The following MCM9 variants were observed in gnomAD, a reference collection of about 807,000 sequenced individuals.
The protein encoded by MCM9 is DNA helicase MCM9.
In MCM9, 55 loss-of-function variants were observed where a neutral mutation model predicts 72.8. The ratio of observed to expected loss-of-function variants is 0.76; its 90% CI spans 0.61 to 0.95. The LOEUF (loss-of-function observed/expected upper bound fraction) is 0.95. Among genes scored for constraint, MCM9 ranks in the 40% least tolerant of loss-of-function variants. The probability of loss-of-function intolerance (pLI) is 0.00; values close to 1 mark genes in which losing one functional copy is unlikely to be tolerated. For synonymous variants in MCM9, 480 were observed against 503.4 expected, an observed-to-expected ratio of 0.95 and a Z score of 0.62; for missense variants, 1,279 against 1,377.0, an observed-to-expected ratio of 0.93 and a Z score of 1.13.
intron 13 of MCM9, among the ~76,000 whole-genome samples, chr6:118,824,458 G>C (rs1318356491): frequency 6.6e-6 from 1 of 151,394 alleles, no homozygotes; most frequent in East Asian, 2.0e-4. Flanking sequence ...ACAGGCGCCC[G>C]CCAACACACC....
chr6:118,839,735 G>A (rs559654527), intron 9 of MCM9, among the ~76,000 whole-genome samples: 1 of 152,180 alleles, frequency 6.6e-6, no homozygotes, highest in African/African-American at 2.4e-5. Flanking sequence ...CTGTTTGCCT[G>A]GGTATCACCA....
chr6:118,893,310 T>C (rs761615346), intron 8 of MCM9, among the ~76,000 whole-genome samples: 2 of 152,222 alleles, frequency 1.3e-5, no homozygotes, highest in Non-Finnish European at 2.9e-5. Context: ...TGCTATGTCT[T>C]TGTGTTCTTT....
At position 118,828,146 on chromosome 6, in the gene MCM9, G is replaced by A; in HGVS notation, c.1529-16C>T. 1.3e-6 allele frequency: 2 copies of A among 1,538,676 alleles called. No homozygotes were observed. Among genetic ancestry groups the A allele is most frequent in the Non-Finnish European group, 1.8e-6 (2 of 1,137,242 alleles). ...CTTGGGTAACCTGTATGTATCAGGT[G>A]TTGGGTCAGTAAGTTCTTAGGACAG... On this transcript the variant is annotated splice_polypyrimidine_tract_variant and intron_variant, in intron 10 of 13. Transcript: ENST00000619706.
intron 10 of MCM9, among the ~76,000 whole-genome samples, chr6:118,828,506 CTCTGCA>C (rs1774320111): frequency 1.3e-5 from 2 of 152,056 alleles, no homozygotes; most frequent in Admixed American, 1.3e-4. Flanking sequence ...CTGCCTCAGC[CTCTGCA>C]GCAGCTGGGA....
At chr6:118,881,553 GA>G (rs886610671) in intron 8 of MCM9, among the ~76,000 whole-genome samples, 3 of 152,098 alleles carry the variant, frequency 2.0e-5, no homozygotes, top group African/African-American at 2.4e-5. Context: ...AACACCAAGG[GA>G]GGAAAAATGG....
At chr6:118,862,292 C>T (rs1209035890) in intron 8 of MCM9, among the ~76,000 whole-genome samples, 1 of 152,246 alleles carries the variant, frequency 6.6e-6, no homozygotes, top group Non-Finnish European at 1.5e-5. Flanking sequence ...GGGCTCTCAC[C>T]TGTTCCTGGC....
chr6:118,844,462 C>T (rs982735414), intron 9 of MCM9, among the ~76,000 whole-genome samples: 2 of 150,938 alleles, frequency 1.3e-5, no homozygotes, highest in African/African-American at 4.9e-5. Flanking sequence ...GGGGTACATA[C>T]AAACAACCCC....
intron 8 of MCM9, among the ~76,000 whole-genome samples, chr6:118,890,138 T>TA (rs1778852536): frequency 6.6e-6 from 1 of 152,208 alleles, no homozygotes; most frequent in Non-Finnish European, 1.5e-5. Flanking sequence ...TCTCCCAGTA[T>TA]ACACCTGGAC....
intron 9 of MCM9, among the ~76,000 whole-genome samples, chr6:118,831,189 C>T (rs1049546734): frequency 3.3e-5 from 5 of 151,944 alleles, no homozygotes; most frequent in Non-Finnish European, 7.4e-5. Context: ...CCCATCCCTA[C>T]TAAAAATACA....
intron 13 of MCM9, among the ~76,000 whole-genome samples, chr6:118,817,851 T>G (rs1215066315): frequency 6.6e-6 from 1 of 152,252 alleles, no homozygotes; most frequent in Non-Finnish European, 1.5e-5. Context: ...TAAGATGGTA[T>G]CTCATTGTGG....
chr6:118,924,227 C>T, intron 3 of MCM9, 100 bp from the exon 4 acceptor site: 1 of 1,079,858 alleles, frequency 9.3e-7, no homozygotes, highest in South Asian at 1.6e-5. Flanking sequence ...ATTTTAATTT[C>T]AGGGGGAAAA....
At chr6:118,909,464 C>T (rs1031060518) in intron 8 of MCM9, among the ~76,000 whole-genome samples, 2 of 152,094 alleles carry the variant, frequency 1.3e-5, no homozygotes, top group African/African-American at 4.8e-5. Context: ...ACATTAGAAA[C>T]GTAAGAAACT....
At chr6:118,928,376 A>G (rs950762980) in intron 3 of MCM9, among the ~76,000 whole-genome samples, 17 of 152,010 alleles carry the variant, frequency 1.1e-4, no homozygotes, top group African/African-American at 3.1e-4. Context: ...GCACCTGTGC[A>G]CTCCGGCTTG....
rs140177572 is a variant in MCM9 at position 118,814,262 on chromosome 6, A to G, written c.*562T>C. On this transcript the variant is annotated 3_prime_UTR_variant, in exon 14 of 14. Transcript: ENST00000619706. ...GTAAGGATACCTCTCAAAGAAAGAA[A>G]AGCATTAGTCACATTTAACCTGATC... is the stretch of plus-strand genomic sequence containing the variant. 19 of 152,206 alleles carry G rather than the reference A, an allele frequency of 1.2e-4. No homozygotes were observed. The highest frequency in any genetic ancestry group is 4.6e-4 in the African/African-American group (19 of 41,498). 9.4% of individuals were successfully genotyped at this position (152,206 alleles called of 1,614,324 possible).
chr6:118,916,942 C>G (rs1195208695), intron 6 of MCM9, among the ~76,000 whole-genome samples: 1 of 152,190 alleles, frequency 6.6e-6, no homozygotes, highest in Non-Finnish European at 1.5e-5. Flanking sequence ...CAAAAGATGT[C>G]TCCATGGAGA....
chr6:118,900,719 A>C, intron 8 of MCM9: 14 of 1,257,332 alleles, frequency 1.1e-5, no homozygotes, highest in Non-Finnish European at 1.4e-5. Flanking sequence ...GTCATCTGGT[A>C]ATGTAATTAC....
intron 3 of MCM9, among the ~76,000 whole-genome samples, chr6:118,929,075 C>T (rs2114435778): frequency 6.6e-6 from 1 of 152,126 alleles, no homozygotes; most frequent in Middle Eastern, 3.4e-3. Flanking sequence ...CAAAAATTAG[C>T]TGGGCATGGT....
intron 8 of MCM9, among the ~76,000 whole-genome samples, chr6:118,860,109 G>A (rs1327044803): frequency 1.3e-5 from 2 of 152,020 alleles, no homozygotes; most frequent in Non-Finnish European, 2.9e-5. Flanking sequence ...CATACTAAAA[G>A]GCAGAAAATA....
intron 8 of MCM9, among the ~76,000 whole-genome samples, chr6:118,869,721 A>C (rs1159921084): frequency 2.0e-5 from 3 of 151,964 alleles, no homozygotes; most frequent in Non-Finnish European, 4.4e-5. Flanking sequence ...GAGTGGCTGA[A>C]TGGATAAAAA....
Sources: allele counts gnomAD v4.1 joint callset (sites outside exome capture counted in the v4.1 genomes callset), GRCh38; gene constraint gnomAD v4.1.1; transcripts MANE v1.5; gene names NCBI Gene and HGNC (gene_info 2026-07-23, HGNC 2026-07-21).